The following SLIT3 variants were observed in gnomAD, a reference collection of about 807,000 sequenced individuals.
SLIT3 encodes slit homolog 3 protein.
SLIT3 carries 68 observed loss-of-function variants against 184.0 expected under a neutral mutation model. The ratio of observed to expected loss-of-function variants is 0.37; its 90% CI spans 0.30 to 0.45. The LOEUF (loss-of-function observed/expected upper bound fraction) is 0.45, where lower values mean the gene tolerates loss of function less well. SLIT3 is among the 20% of genes least tolerant of loss of function. The pLI, the probability that SLIT3 is intolerant of heterozygous loss-of-function variation, is 1.00. For missense variants in SLIT3, 1,707 were observed against 2,026.0 expected (o/e 0.84, Z 3.02); for synonymous variants, 831 against 828.6 (o/e 1.00, Z -0.05).
intron 4 of SLIT3, among the ~76,000 whole-genome samples, chr5:169,150,205 C>T (rs113160515): frequency 1.4e-3 from 211 of 152,256 alleles, no homozygotes; most frequent in Middle Eastern, 3.4e-3. Context: ...AATCTGCTCC[C>T]CGCTCCAACC....
chr5:169,093,482 T>G (rs1721533343), intron 4 of SLIT3, among the ~76,000 whole-genome samples: 1 of 148,940 alleles, frequency 6.7e-6, no homozygotes, highest in Non-Finnish European at 1.5e-5. Context: ...GGGGTGGGGG[T>G]GGGAGACAGA....
At chr5:169,096,374 T>C (rs1049393369) in intron 4 of SLIT3, among the ~76,000 whole-genome samples, 1 of 152,242 alleles carries the variant, frequency 6.6e-6, no homozygotes, top group Non-Finnish European at 1.5e-5. Flanking sequence ...TATTGTTTTC[T>C]AATTGTTTAG....
At chr5:168,850,140 C>T (rs951740392) in intron 5 of SLIT3, among the ~76,000 whole-genome samples, 1 of 152,114 alleles carries the variant, frequency 6.6e-6, no homozygotes, top group African/African-American at 2.4e-5. Context: ...GCATATACTT[C>T]ATATAACTGA....
At chr5:169,253,293 C>A (rs1765839774) in intron 1 of SLIT3, among the ~76,000 whole-genome samples, 2 of 152,182 alleles carry the variant, frequency 1.3e-5, no homozygotes, top group Admixed American at 6.5e-5. Flanking sequence ...CAGGACACAG[C>A]ATGGTATCTC....
intron 3 of SLIT3, among the ~76,000 whole-genome samples, chr5:169,213,552 C>A (rs1243368094): frequency 1.3e-5 from 2 of 152,210 alleles, no homozygotes; most frequent in Non-Finnish European, 2.9e-5. Flanking sequence ...TCACTTTCTT[C>A]AGATCTCTCT....
At position 169,141,746 on chromosome 5, in the gene SLIT3, GAA is replaced by G. The variant is rs55972468; in HGVS notation, c.413+51731_413+51732del. Among the ~76,000 whole-genome samples the G allele has an allele frequency of 2.4e-4, 29 of 119,270 alleles. 1 individual carries two copies. Among genetic ancestry groups the G allele is most frequent in the African/African-American group, 3.2e-5 (1 of 31,628 alleles). 78.2% of individuals were successfully genotyped at this position (119,270 alleles called of 152,430 possible). ...AGAGTGAGACTCTGTCTCAAAAAAA[GAA>G]AAAAAAAAAAGTTAACATCTCAGCC... On this transcript the variant is annotated intron_variant, in intron 4 of 35. Transcript: ENST00000519560.
intron 4 of SLIT3, among the ~76,000 whole-genome samples, chr5:169,119,164 ACT>A (rs1013591958): frequency 8.5e-5 from 13 of 152,144 alleles, no homozygotes; most frequent in African/African-American, 3.1e-4. Flanking sequence ...GAAGTCAAAG[ACT>A]CTGACCCAGA....
intron 4 of SLIT3, among the ~76,000 whole-genome samples, chr5:169,168,965 G>T (rs1267965299): frequency 1.3e-5 from 2 of 152,212 alleles, no homozygotes; most frequent in Non-Finnish European, 2.9e-5. Flanking sequence ...AAGCACTAGG[G>T]AGCCTGCTTA....
intron 1 of SLIT3, among the ~76,000 whole-genome samples, chr5:169,282,219 T>C (rs772747466): frequency 5.3e-5 from 8 of 152,210 alleles, no homozygotes; most frequent in Non-Finnish European, 8.8e-5. Flanking sequence ...TCATTCTGCC[T>C]CCTACAGCCT....
chr5:168,892,870 G>T (rs1450527254), intron 4 of SLIT3, among the ~76,000 whole-genome samples: 1 of 152,162 alleles, frequency 6.6e-6, no homozygotes, highest in Non-Finnish European at 1.5e-5. Flanking sequence ...TCAATTTAGC[G>T]ACAAGGCAGT....
At position 169,051,850 on chromosome 5, in the gene SLIT3, G is replaced by A. The variant is rs1028049104; in HGVS notation, c.413+141629C>T. Among the ~76,000 whole-genome samples, 5 of 152,190 alleles carry A rather than the reference G, an allele frequency of 3.3e-5. No homozygotes were observed. In the East Asian group the frequency reaches 9.7e-4, roughly 29 times the overall value. On this transcript the variant is annotated intron_variant, in intron 4 of 35. Coordinates refer to ENST00000519560, the MANE Select transcript of SLIT3 (RefSeq NM_003062.4). ...AAAGAAAGGAAGAGAGTGAAAGAGG[G>A]AGAGGCAGAGAGAACACTAGCACTG...
rs970816763 is a variant in SLIT3 at position 169,037,421 on chromosome 5, C to A, written c.414-154085G>T. Among the ~76,000 whole-genome samples the A allele has an allele frequency of 2.0e-5, 3 of 152,254 alleles. No individual in the cohort carries two copies. In the South Asian group the frequency reaches 6.2e-4, roughly 32 times the overall value. On this transcript the variant is annotated intron_variant, in intron 4 of 35. Coordinates refer to ENST00000519560, the MANE Select transcript of SLIT3 (RefSeq NM_003062.4). The stretch of plus-strand genomic sequence containing the variant: ...AAAGGGAGAGAAAGCTACTTTCAGG[C>A]TTGGGCATAACCAAACAGTGCTCAG...
intron 3 of SLIT3, among the ~76,000 whole-genome samples, chr5:169,239,250 T>G (rs1045286456): frequency 2.6e-5 from 4 of 152,200 alleles, no homozygotes; most frequent in African/African-American, 9.6e-5. Flanking sequence ...GCTAGTATTT[T>G]GTTAGGAAAT....
chr5:169,112,139 A>G (rs948468001), intron 4 of SLIT3, among the ~76,000 whole-genome samples: 1 of 152,238 alleles, frequency 6.6e-6, no homozygotes, highest in Non-Finnish European at 1.5e-5. Flanking sequence ...GGCTTGTTAC[A>G]AAGTAGATGC....
intron 20 of SLIT3, among the ~76,000 whole-genome samples, chr5:168,746,751 GGTGTGGCGGT>G (rs1471771836): frequency 2.0e-4 from 15 of 73,788 alleles, no homozygotes; most frequent in African/African-American, 5.8e-4. Context: ...CGGTGGTGTG[GGTGTGGCGGT>G]GTGTGGTGGT....
At chr5:168,858,069 T>C (rs917299862) in intron 5 of SLIT3, among the ~76,000 whole-genome samples, 2 of 152,224 alleles carry the variant, frequency 1.3e-5, no homozygotes, top group African/African-American at 4.8e-5. Flanking sequence ...CAGAAACAGC[T>C]TTTAAGGAGC....
At chr5:169,131,766 C>T (rs1202150030) in intron 4 of SLIT3, among the ~76,000 whole-genome samples, 1 of 152,222 alleles carries the variant, frequency 6.6e-6, no homozygotes, top group African/African-American at 2.4e-5. Flanking sequence ...TTCTTCCTTG[C>T]CTTCCTCTAC....
intron 1 of SLIT3, among the ~76,000 whole-genome samples, chr5:169,290,103 G>A (rs1334556399): frequency 2.6e-5 from 4 of 151,654 alleles, no homozygotes; most frequent in African/African-American, 9.7e-5. Context: ...ATACGCCAGG[G>A]CACACACTCG....
At chr5:169,083,289 C>T (rs973347019) in intron 4 of SLIT3, among the ~76,000 whole-genome samples, 2 of 151,724 alleles carry the variant, frequency 1.3e-5, no homozygotes, top group African/African-American at 2.4e-5. Context: ...TCTACTTATT[C>T]CCTCAAGAGA....
Sources: gnomAD v4.1 joint callset for allele counts (sites outside exome capture counted in the v4.1 genomes callset) on GRCh38, gnomAD v4.1.1 for gene constraint, MANE v1.5 for transcripts, NCBI Gene and HGNC (gene_info 2026-07-23, HGNC 2026-07-21) for gene names.